The following SLC24A5 variants were observed in gnomAD, a reference collection of about 807,000 sequenced individuals.
SLC24A5 encodes sodium/potassium/calcium exchanger 5.
A neutral mutation model predicts 51.6 loss-of-function variants in SLC24A5; 46 were observed. The observed-to-expected ratio is 0.89, with a 90% confidence interval of 0.70 to 1.14. SLC24A5 has a LOEUF of 1.14. Ranked by LOEUF, SLC24A5 falls within the 50% of genes most tolerant of loss-of-function variation. The pLI, the probability that SLC24A5 is intolerant of heterozygous loss-of-function variation, is 0.00. For synonymous variants in SLC24A5, 230 were observed against 214.9 expected, an observed-to-expected ratio of 1.07 and a Z score of -0.62; for missense variants, 581 against 604.1, an observed-to-expected ratio of 0.96 and a Z score of 0.40.
chr15:48,131,969 C>G (rs2038795076), intron 2 of SLC24A5, among the ~76,000 whole-genome samples: 1 of 152,138 alleles, frequency 6.6e-6, no homozygotes, highest in Admixed American at 6.5e-5. Context: ...ATGACTGGAG[C>G]TGGTATCATC....
At chr15:48,140,271 G>A (rs2039022213) in intron 7 of SLC24A5, 2 of 151,844 alleles carry the variant, frequency 1.3e-5, no homozygotes, top group South Asian at 4.2e-4. Context: ...ATGAATTCTA[G>A]CAAAGCCAGT....
chr15:48,139,259 A>T, intron 7 of SLC24A5, 84 bp downstream of exon 7: 1 of 1,147,164 alleles, frequency 8.7e-7, no homozygotes, highest in Admixed American at 2.1e-5. Context: ...TAGTCTAGCT[A>T]CACAGCAAAT....
chr15:48,125,679 C>A (rs1283153717), intron 2 of SLC24A5, among the ~76,000 whole-genome samples: 2 of 152,128 alleles, frequency 1.3e-5, no homozygotes, highest in Non-Finnish European at 2.9e-5. Flanking sequence ...TTACAAAAAT[C>A]ATTTTGGACC....
Position 48,121,096 on chromosome 15 carries a change from A to G in SLC24A5, c.52A>G (p.Ile18Val), listed in dbSNP as rs1410774370. 5 of 1,613,940 alleles carry G rather than the reference A, an allele frequency of 3.1e-6. No homozygotes were observed. Among genetic ancestry groups the G allele is most frequent in the Middle Eastern group, 1.7e-4 (1 of 6,060 alleles). ...TWARRALLLG[I>V]LWATAHLPLS... ...GGCGAGAAGGGCTCTGTTGCTCGGC[A>G]TCCTGTGGGCCACTGCACATCTGCC... The change falls in exon 1 of 9, where the codon ATC becomes GTC. Residue 18 changes from isoleucine (I) to valine (V), a missense_variant. Transcript: ENST00000341459.
intron 2 of SLC24A5, among the ~76,000 whole-genome samples, chr15:48,133,375 C>G (rs2038817579): frequency 6.6e-6 from 1 of 152,094 alleles, no homozygotes; most frequent in Admixed American, 6.6e-5. Flanking sequence ...CTACGGCTTT[C>G]TCTGTTCCTT....
chr15:48,124,485 AAC>A (rs1243455218), intron 2 of SLC24A5: 2 of 152,190 alleles, frequency 1.3e-5, no homozygotes, highest in Admixed American at 1.3e-4. Flanking sequence ...AATCATATAA[AAC>A]ACAGAAATTT....
intron 2 of SLC24A5, among the ~76,000 whole-genome samples, chr15:48,127,801 C>A (rs907841255): frequency 6.6e-6 from 1 of 151,970 alleles, no homozygotes; most frequent in Non-Finnish European, 1.5e-5. Context: ...CCAGCCTGGG[C>A]AACAGAGCAA....
At chr15:48,140,081 A>T (rs2039015316) in intron 7 of SLC24A5, 1 of 151,982 alleles carries the variant, frequency 6.6e-6, no homozygotes, top group Non-Finnish European at 1.5e-5. Flanking sequence ...AAAGTGGACT[A>T]CTTCTTCCTT....
chr15:48,137,577 C>A (rs575269400), intron 6 of SLC24A5: 1 of 152,146 alleles, frequency 6.6e-6, no homozygotes, highest in South Asian at 2.1e-4. Flanking sequence ...GTAAGAGAGG[C>A]TATTACAACA....
chr15:48,128,796 A>G (rs1426450331), intron 2 of SLC24A5, among the ~76,000 whole-genome samples: 1 of 152,172 alleles, frequency 6.6e-6, no homozygotes, highest in East Asian at 1.9e-4. Context: ...AGGCATACAG[A>G]TCTAAATAAG....
At position 48,142,069 on chromosome 15, in the gene SLC24A5, T is replaced by A; in HGVS notation, c.1221T>A (p.Asn407Lys). 1 of 1,613,662 alleles carries A rather than the reference T, an allele frequency of 6.2e-7. No individual in the cohort carries two copies. ...CTATGTCTAACATCGTGGGATCCAA[T>A]GTGTTTGATATGTTGTGCCTTGGTA... ...DMAMSNIVGS[N>K]VFDMLCLGIP... The change falls in exon 9 of 9, where the codon AAT (asparagine) becomes AAA (lysine). Residue 407 changes from asparagine (N) to lysine (K), a missense_variant. Coordinates refer to ENST00000341459, the MANE Select transcript of SLC24A5 (RefSeq NM_205850.3).
In SLC24A5 at chr15:48,136,881, A is replaced by G; in HGVS notation, c.789A>G (p.Arg263=). 6.2e-7 allele frequency: 1 copy of G among 1,613,898 alleles called. No homozygotes were observed. Among genetic ancestry groups the G allele is most frequent in the Non-Finnish European group, 8.5e-7 (1 of 1,179,828 alleles). ...EGQPFIRRQS[R]TDSGIFYEDS... ...AACCATTCATTCGTCGGCAATCAAG[A>G]ACTGATAGTGGAATATTTTATGAAG... The change falls in exon 6 of 9, where the codon AGA becomes AGG. Residue 263 remains arginine, a synonymous_variant. Coordinates refer to ENST00000341459, the MANE Select transcript of SLC24A5 (RefSeq NM_205850.3).
intron 2 of SLC24A5, among the ~76,000 whole-genome samples, chr15:48,131,072 T>G (rs1389125961): frequency 1.3e-5 from 2 of 152,182 alleles, no homozygotes. Context: ...TATTAAATTA[T>G]GTATATGGGA....
At chr15:48,136,255 A>G (rs1240912471) in intron 5 of SLC24A5, 1 of 152,612 alleles carries the variant, frequency 6.6e-6, no homozygotes, top group African/African-American at 2.4e-5. Context: ...GACAGTTGAA[A>G]TAACTTAACA....
rs904797583 is a variant in SLC24A5 at position 48,126,062 on chromosome 15, C to T, written c.301+4026C>T. On this transcript the variant is annotated intron_variant, in intron 2 of 8. Coordinates refer to ENST00000341459, the MANE Select transcript of SLC24A5 (RefSeq NM_205850.3). ...CTTGCTGGTGCTCTGGCAGGGCCCC[C>T]GCTCGGTCAAACCAGTGCTCTTTCT... 4.6e-5 allele frequency among the ~76,000 whole-genome samples: 7 copies of T among 152,172 alleles called. No individual in the cohort carries two copies. The East Asian group carries it at 5.8e-4, about 13-fold the overall frequency.
chr15:48,121,810 T>C (rs2038681739), intron 1 of SLC24A5, 47 bp from the exon 2 acceptor site: 2 of 1,588,224 alleles, frequency 1.3e-6, no homozygotes, highest in African/African-American at 1.3e-5. Flanking sequence ...GGGCTTGGAA[T>C]GTGTGACTCC....
At chr15:48,127,747 C>T (rs1255813265) in intron 2 of SLC24A5, among the ~76,000 whole-genome samples, 4 of 152,204 alleles carry the variant, frequency 2.6e-5, no homozygotes, top group African/African-American at 7.2e-5. Context: ...TGCTTAAACC[C>T]GGGAGGCAGA....
At chr15:48,137,111 G>A in intron 6 of SLC24A5, 148 bp downstream of exon 6, 1 of 754,302 alleles carries the variant, frequency 1.3e-6, no homozygotes, top group East Asian at 2.7e-5. Context: ...CTACCTTTAA[G>A]GAACTTCCAA....
rs1315915752 is a variant in SLC24A5 at position 48,134,262 on chromosome 15, T to C, written c.306T>C (p.Leu102=). The C allele has an allele frequency of 1.2e-6, 2 of 1,613,508 alleles. No homozygotes were observed. Among genetic ancestry groups the C allele is most frequent in the Admixed American group, 3.3e-5 (2 of 59,990 alleles). Residue 102 remains leucine (L), a synonymous_variant, in exon 3 of 9, where the codon CTT becomes CTC. Coordinates refer to ENST00000341459, the MANE Select transcript of SLC24A5 (RefSeq NM_205850.3). ...AATCATTTCATTTATGTTCAGCCCT[T>C]GGATTGTCTCAGGATGTTGCAGGCA... ...LPSLEIISES[L]GLSQDVAGTT...
Sources: gnomAD v4.1 joint callset for allele counts (sites outside exome capture counted in the v4.1 genomes callset) on GRCh38, gnomAD v4.1.1 for gene constraint, MANE v1.5 for transcripts, NCBI Gene and HGNC (gene_info 2026-07-23, HGNC 2026-07-21) for gene names.